Variants in GPSM1 observed in about 807,000 individuals in gnomAD.
The protein encoded by GPSM1 is G protein signaling modulator 1, also known as G protein-signaling modulator 1.
GPSM1 carries 48 observed loss-of-function variants against 70.5 expected under a neutral mutation model. The observed-to-expected ratio is 0.68, with a 90% CI of 0.54 to 0.87. GPSM1 has a LOEUF of 0.87. Ranked by LOEUF, GPSM1 falls within the 40% of genes least tolerant of loss-of-function variation. The pLI is 0.00. For synonymous variants in GPSM1, 416 were observed against 430.1 expected, an observed-to-expected ratio of 0.97 and a Z score of 0.41; for missense variants, 981 against 972.6, an observed-to-expected ratio of 1.01 and a Z score of -0.11.
At chr9:136,351,361 C>T (rs1200066801) in intron 11 of GPSM1, among the ~76,000 whole-genome samples, 2 of 152,114 alleles carry the variant, frequency 1.3e-5, no homozygotes, top group African/African-American at 4.8e-5. Flanking sequence ...AGGAGCAGGA[C>T]TGGGACCCAG....
At chr9:136,331,376 C>A (rs1047574431) in intron 1 of GPSM1, among the ~76,000 whole-genome samples, 2 of 150,990 alleles carry the variant, frequency 1.3e-5, no homozygotes, top group Non-Finnish European at 3.0e-5. Context: ...CCCCCCCCCC[C>A]GCTGCCCCAT....
chr9:136,357,185 T>TG (rs1383788918), intron 13 of GPSM1, among the ~76,000 whole-genome samples: 9 of 152,282 alleles, frequency 5.9e-5, no homozygotes, highest in South Asian at 4.1e-4. Context: ...CCTCAAACTC[T>TG]GGGGGTCTCG....
At chr9:136,349,881 G>GACCCC in intron 11 of GPSM1, 118 bp downstream of exon 11, 17 of 938,856 alleles carry the variant, frequency 1.8e-5, no homozygotes, top group Admixed American at 2.8e-5. Flanking sequence ...GGAGGCAGGG[G>GACCCC]TCCCTCCCCG....
chr9:136,354,173 A>G (rs1236154261), intron 11 of GPSM1, among the ~76,000 whole-genome samples: 2 of 152,170 alleles, frequency 1.3e-5, no homozygotes, highest in African/African-American at 4.8e-5. Flanking sequence ...GGTCTCTCCT[A>G]AAACAGGGCT....
At chr9:136,336,373 A>G (rs1554769250) in intron 3 of GPSM1, among the ~76,000 whole-genome samples, 2 of 148,636 alleles carry the variant, frequency 1.3e-5, no homozygotes, top group Non-Finnish European at 3.0e-5. Flanking sequence ...ATCCCTCCAC[A>G]CCCCCAGTCA....
At chr9:136,328,291 G>A (rs1348778691) in intron 1 of GPSM1, among the ~76,000 whole-genome samples, 2 of 152,200 alleles carry the variant, frequency 1.3e-5, no homozygotes, top group African/African-American at 4.8e-5. Flanking sequence ...TGTGCCCCAC[G>A]CCTTTGGGGA....
At position 136,334,478 on chromosome 9, in the gene GPSM1, G is replaced by A. The variant is rs1832179086; in HGVS notation, c.100G>A (p.Glu34Lys). 1.2e-6 allele frequency: 2 copies of A among 1,612,866 alleles called. No homozygotes were observed. The highest frequency in any genetic ancestry group is 1.7e-6 in the Non-Finnish European group (2 of 1,179,906). ...MEASCLELAL[E>K]GERLCKAGDF... Reference sequence around the variant, plus strand: ...GGCGTCCTGCCTAGAGCTGGCGCTGGAGGGCGAGCGTCTGTGCAAGGCGGG... The same window carrying A: ...GGCGTCCTGCCTAGAGCTGGCGCTGAAGGGCGAGCGTCTGTGCAAGGCGGG... Residue 34 changes from glutamate (E) to lysine (K), a missense_variant, in exon 2 of 14, where the codon GAG becomes AAG. Transcript: ENST00000440944.
Position 136,340,792 on chromosome 9 carries a change from G to A in GPSM1, c.1084-78G>A. The A allele has an allele frequency of 6.7e-7, 1 of 1,483,260 alleles. No homozygotes were observed. The highest frequency in any genetic ancestry group is 8.9e-7 in the Non-Finnish European group (1 of 1,120,516). 91.9% of individuals were successfully genotyped at this position (1,483,260 alleles called of 1,614,324 possible). On this transcript the variant is annotated intron_variant, in intron 8 of 13. Transcript: ENST00000440944. This position sits in a 1 kb window ranked among gnomAD's most constrained non-coding sequence, Gnocchi z 7.3. ...AGAAGGTCAGGGACGGGTGTACTGGGGGCCATTAAGGTCCCCTTGGAGCCC... is the reference window on the plus strand; with the variant it reads ...AGAAGGTCAGGGACGGGTGTACTGGAGGCCATTAAGGTCCCCTTGGAGCCC...
At chr9:136,348,385 G>A (rs1014018787) in intron 9 of GPSM1, among the ~76,000 whole-genome samples, 2 of 152,202 alleles carry the variant, frequency 1.3e-5, no homozygotes, top group African/African-American at 4.8e-5. Flanking sequence ...CAGGACTGAC[G>A]GGGGAGGCCC....
In GPSM1 at chr9:136,357,989, C is replaced by T. The variant is rs202011046; in HGVS notation, c.1822-25C>T. 439 of 1,598,566 alleles carry T rather than the reference C, an allele frequency of 2.7e-4. 3 individuals carry two copies. In the East Asian group the frequency reaches 4.6e-3, roughly 17 times the overall value. ...ACCACTGGGGCTGGGGGGGTGAGGC[C>T]GCCAACTGCACTGTGTCCACCCAGT... On this transcript the variant is annotated intron_variant, in intron 13 of 13. Transcript: ENST00000440944.
chr9:136,349,828 C>G, intron 11 of GPSM1, 65 bp downstream of exon 11: 2 of 1,433,232 alleles, frequency 1.4e-6, no homozygotes, highest in Non-Finnish European at 1.9e-6. Context: ...CGCCCCAACT[C>G]CACTGCCAGC....
rs931955232 is a variant in GPSM1 at position 136,341,333 on chromosome 9, A to T, written c.1207+340A>T. 1.1e-5 allele frequency: 16 copies of T among 1,435,490 alleles called. No homozygotes were observed. Among genetic ancestry groups the T allele is most frequent in the South Asian group, 1.5e-5 (1 of 67,126 alleles). The allele number at this position is 1,435,490 out of a possible 1,614,324, so 88.9% of individuals were successfully genotyped here. A position where few individuals can be genotyped will look rare whatever the true frequency, so the allele number is the denominator to read the frequency against. On this transcript the variant is annotated intron_variant, in intron 9 of 13. Transcript: ENST00000440944. The surrounding 1 kb of genome is among the most constrained non-coding windows in gnomAD (Gnocchi z 6.7). Reference sequence around the variant, plus strand: ...TTCTGTCCTCAGACCCAAGTAGGAGAGGGCTGCTGGGAGGCGAGAGGGCAT... The same window carrying T: ...TTCTGTCCTCAGACCCAAGTAGGAGTGGGCTGCTGGGAGGCGAGAGGGCAT...
intron 11 of GPSM1, 137 bp downstream of exon 11, chr9:136,349,900 G>C (rs1832617669): frequency 1.3e-6 from 1 of 776,524 alleles, no homozygotes; most frequent in East Asian, 2.7e-5. Context: ...CGGTGCACCT[G>C]GTGCAGTGCT....
Position 136,341,616 on chromosome 9 carries a change from G to A in GPSM1, c.1207+623G>A. 1 of 1,014,966 alleles carries A rather than the reference G, an allele frequency of 9.9e-7. No individual in the cohort carries two copies. The highest frequency in any genetic ancestry group is 3.9e-5 in the South Asian group (1 of 25,812). 62.9% of individuals were successfully genotyped at this position (1,014,966 alleles called of 1,614,324 possible). On this transcript the variant is annotated intron_variant, in intron 9 of 13. Transcript: ENST00000440944. This position sits in a 1 kb window ranked among gnomAD's most constrained non-coding sequence, Gnocchi z 6.7. ...CTGAGGTGGCTGGCAGGTGGGTGAG[G>A]GGCAGGCTTGGGGGGAGCAGCTGCC...
chr9:136,350,909 G>A (rs1322036878), intron 11 of GPSM1, among the ~76,000 whole-genome samples: 1 of 152,156 alleles, frequency 6.6e-6, no homozygotes, highest in Non-Finnish European at 1.5e-5. Context: ...TTGGTGGGGG[G>A]ACAGGTGACA....
intron 13 of GPSM1, among the ~76,000 whole-genome samples, chr9:136,356,761 A>T (rs1554773270): frequency 6.6e-6 from 1 of 152,004 alleles, no homozygotes; most frequent in African/African-American, 2.4e-5. Context: ...GCTGCTGGAG[A>T]CACCAGAGAC....
chr9:136,337,909 G>C lies in GPSM1; in HGVS notation c.766G>C (p.Gly256Arg). 1 of 1,612,688 alleles carries C rather than the reference G, an allele frequency of 6.2e-7. No homozygotes were observed. The highest frequency in any genetic ancestry group is 8.5e-7 in the Non-Finnish European group (1 of 1,179,846). The change falls in exon 6 of 14, where the codon GGG (glycine) becomes CGG (arginine). Residue 256 changes from glycine (G) to arginine (R), a missense_variant. By Grantham distance (125) the Gly-to-Arg change is moderately radical. Transcript: ENST00000440944. ...CGAGAGGAGGGCCTACAGCAACCTG[G>C]GGAACGCCCACGTCTTCCTGGGGCG... The part of the protein sequence containing the change: ...AAERRAYSNL[G>R]NAHVFLGRFD...
Position 136,347,596 on chromosome 9 carries a change from G to C in GPSM1, c.1208-1101G>C, listed in dbSNP as rs372557914. On this transcript the variant is annotated intron_variant, in intron 9 of 13. Coordinates refer to ENST00000440944, the MANE Select transcript of GPSM1 (RefSeq NM_001145638.3). Reference sequence around the variant, plus strand: ...ACGTTCTGCTGCCCTTTCCACAGTGGCTGTGCCCCTGTCCGTCCCGCCGCC... The same window carrying C: ...ACGTTCTGCTGCCCTTTCCACAGTGCCTGTGCCCCTGTCCGTCCCGCCGCC... Among the ~76,000 whole-genome samples the C allele has an allele frequency of 2.0e-5, 3 of 152,196 alleles. No homozygotes were observed. In the East Asian group the frequency reaches 5.8e-4, roughly 29 times the overall value.
In GPSM1 at chr9:136,356,433, C is replaced by T. The variant is rs1832827266; in HGVS notation, c.1704C>T (p.Ala568=). The change falls in exon 13 of 14, where the codon GCC becomes GCT. Residue 568 remains alanine, a synonymous_variant. Coordinates refer to ENST00000440944, the MANE Select transcript of GPSM1 (RefSeq NM_001145638.3). ...SQSRRLDDQR[A]SVGSLPGLRI... ...GCCGCCGGCTGGACGACCAGCGGGC[C>T]AGCGTGGGCAGCCTGCCGGGGCTGC... The T allele has an allele frequency of 1.9e-6, 3 of 1,610,776 alleles. No homozygotes were observed. The highest frequency in any genetic ancestry group is 1.3e-5 in the African/African-American group (1 of 74,834).
Sources: gnomAD v4.1 joint callset for allele counts (sites outside exome capture counted in the v4.1 genomes callset) on GRCh38, gnomAD v4.1.1 for gene constraint, Gnocchi (gnomAD v3.1) non-coding constraint, MANE v1.5 for transcripts, NCBI Gene and HGNC (gene_info 2026-07-23, HGNC 2026-07-21) for gene names.